PRTG: variants seen among roughly 807,000 people sequenced by gnomAD.
PRTG encodes protogenin.
In PRTG, 67 loss-of-function variants were observed where a neutral mutation model predicts 122.5. That is an observed-to-expected ratio of 0.55 (90% confidence interval 0.45 to 0.67). The LOEUF is 0.67. PRTG is among the 30% of genes least tolerant of loss of function. The probability of loss-of-function intolerance (pLI) is 0.00; values close to 1 mark genes in which losing one functional copy is unlikely to be tolerated. For missense variants in PRTG, 1,435 were observed against 1,415.4 expected (o/e 1.01, Z -0.22); for synonymous variants, 554 against 501.1 (o/e 1.11, Z -1.41).
rs2059487164 is a variant in PRTG, at chr15:55,673,793, C to A, written c.1547-117G>T. On this transcript the variant is annotated intron_variant, in intron 9 of 19. Transcript: ENST00000389286. ...TATAATAAAGAAGAGACACTTTCAG[C>A]CCTAGCAGAGGTTTTCAGTGAAACA... The A allele has an allele frequency of 3.9e-6, 3 of 777,180 alleles. No individual in the cohort carries two copies. The East Asian group carries it at 7.9e-5, about 21-fold the overall frequency. 48.1% of individuals were successfully genotyped at this position (777,180 alleles called of 1,614,324 possible).
rs769653300 is a variant in PRTG, at chr15:55,724,030, C to T, written c.397+16352G>A. The stretch of plus-strand genomic sequence containing the variant: ...CCTCCCAAAGTGCTAGGATTACATA[C>T]GTGAGCCACCATGCCTGGCTGATTT... On this transcript the variant is annotated intron_variant, in intron 2 of 19. Transcript: ENST00000389286. Among the ~76,000 whole-genome samples, 9 of 152,114 alleles carry T rather than the reference C, an allele frequency of 5.9e-5. No homozygotes were observed. The South Asian group carries it at 1.9e-3, about 31-fold the overall frequency.
intron 2 of PRTG, among the ~76,000 whole-genome samples, chr15:55,702,714 T>C (rs2029938412): frequency 6.6e-6 from 1 of 152,158 alleles, no homozygotes; most frequent in South Asian, 2.1e-4. Flanking sequence ...TTCCTATTCT[T>C]CTACCTATGG....
chr15:55,665,461 T>C (rs1273589286), intron 11 of PRTG, among the ~76,000 whole-genome samples: 5 of 151,374 alleles, frequency 3.3e-5, no homozygotes, highest in Non-Finnish European at 5.9e-5. Context: ...TCTAGTAATG[T>C]GGCCTGGTGC....
intron 18 of PRTG, among the ~76,000 whole-genome samples, chr15:55,622,220 T>TTG (rs1170477737): frequency 6.7e-6 from 1 of 148,208 alleles, no homozygotes; most frequent in Non-Finnish European, 1.5e-5. Flanking sequence ...GTACTTGTTT[T>TTG]TTTTTTTTTT....
intron 2 of PRTG, among the ~76,000 whole-genome samples, chr15:55,698,876 T>G (rs1428805007): frequency 2.2e-5 from 3 of 134,326 alleles, no homozygotes; most frequent in African/African-American, 5.7e-5. Flanking sequence ...GGGGAGAGAG[T>G]GCGGGGGTGG....
At chr15:55,735,988 G>A (rs1455556235) in intron 2 of PRTG, among the ~76,000 whole-genome samples, 1 of 152,154 alleles carries the variant, frequency 6.6e-6, no homozygotes, top group Non-Finnish European at 1.5e-5. Flanking sequence ...CCAATTTTAA[G>A]TTAAACATAA....
chr15:55,626,351 G>C (rs957909782), intron 17 of PRTG, among the ~76,000 whole-genome samples: 8 of 151,762 alleles, frequency 5.3e-5, no homozygotes, highest in Non-Finnish European at 1.2e-4. Context: ...GAAGGTTGCA[G>C]TGAGCTGAGA....
intron 16 of PRTG, 119 bp downstream of exon 16, chr15:55,628,703 C>G: frequency 3.9e-6 from 3 of 773,182 alleles, no homozygotes; most frequent in Middle Eastern, 3.6e-4. Context: ...TCATCAGCAA[C>G]AACTTACGGA....
chr15:55,670,903 ACACACACACACAC>A (rs1291451545), intron 11 of PRTG, among the ~76,000 whole-genome samples: 1 of 316 alleles, frequency 3.2e-3, no homozygotes, highest in East Asian at 0.1. Flanking sequence ...TCCGTCACAA[ACACACACACACAC>A]ACACACACAC....
At chr15:55,661,696 C>T (rs2059410630) in intron 11 of PRTG, among the ~76,000 whole-genome samples, 2 of 152,130 alleles carry the variant, frequency 1.3e-5, no homozygotes, top group Non-Finnish European at 2.9e-5. Context: ...AAGAAAACCA[C>T]TAAATATCAA....
chr15:55,615,995 T>A lies in PRTG; in HGVS notation c.*4017A>T, dbSNP rs2059140241. 1 of 152,046 alleles carries A rather than the reference T, an allele frequency of 6.6e-6. No homozygotes were observed. Among genetic ancestry groups the A allele is most frequent in the Non-Finnish European group, 1.5e-5 (1 of 67,968 alleles). 9.4% of individuals were successfully genotyped at this position (152,046 alleles called of 1,614,324 possible). A position where few individuals can be genotyped will look rare whatever the true frequency, so the allele number is the denominator to read the frequency against. On this transcript the variant is annotated 3_prime_UTR_variant, in exon 20 of 20. Coordinates refer to ENST00000389286, the MANE Select transcript of PRTG (RefSeq NM_173814.6). Reference sequence around the variant, plus strand: ...AAGCCAAGACAAACTGATGCAAACCTCTGTCATTGTTCCCAATGTTGGCAT... The same window carrying A: ...AAGCCAAGACAAACTGATGCAAACCACTGTCATTGTTCCCAATGTTGGCAT...
intron 6 of PRTG, chr15:55,679,699 A>G: frequency 2.3e-6 from 1 of 426,376 alleles, no homozygotes; most frequent in Non-Finnish European, 4.2e-6. Context: ...CATCCTTCTT[A>G]ACTAAGAACA....
At chr15:55,698,766 C>T (rs2059645657) in intron 2 of PRTG, among the ~76,000 whole-genome samples, 1 of 151,610 alleles carries the variant, frequency 6.6e-6, no homozygotes, top group Admixed American at 6.6e-5. Context: ...GGTATAGTGT[C>T]AGAATTTGTG....
At chr15:55,710,646 T>C (rs2141853605) in intron 2 of PRTG, among the ~76,000 whole-genome samples, 1 of 152,330 alleles carries the variant, frequency 6.6e-6, no homozygotes, top group East Asian at 1.9e-4. Flanking sequence ...TATACTTTTG[T>C]CTTTAAGTCA....
At chr15:55,620,354 G>C in intron 19 of PRTG, 88 bp from the exon 20 acceptor site, 1 of 1,545,374 alleles carries the variant, frequency 6.5e-7, no homozygotes, top group Admixed American at 2.0e-5. Context: ...AGACAGGTGG[G>C]AGCACATCAG....
intron 11 of PRTG, among the ~76,000 whole-genome samples, chr15:55,641,896 C>T (rs910998291): frequency 3.9e-5 from 6 of 152,158 alleles, no homozygotes; most frequent in East Asian, 1.9e-4. Flanking sequence ...AAAAATAGGC[C>T]GGGCGCGGTG....
chr15:55,701,882 A>C (rs968558504), intron 2 of PRTG, among the ~76,000 whole-genome samples: 1 of 152,218 alleles, frequency 6.6e-6, no homozygotes, highest in Non-Finnish European at 1.5e-5. Context: ...TACTATTTAT[A>C]TGGTATTCCA....
chr15:55,649,321 G>A (rs1321841994), intron 11 of PRTG, among the ~76,000 whole-genome samples: 3 of 152,110 alleles, frequency 2.0e-5, no homozygotes, highest in Non-Finnish European at 4.4e-5. Flanking sequence ...ACTTGGAGAA[G>A]TTATTTTTTC....
At chr15:55,738,002 C>CTCTCTA (rs1248440584) in intron 2 of PRTG, among the ~76,000 whole-genome samples, 113 of 96,644 alleles carry the variant, frequency 1.2e-3, no homozygotes, top group African/African-American at 3.2e-3. Flanking sequence ...CTCTCTCTCT[C>CTCTCTA]TATATATATA....
Sources: allele counts gnomAD v4.1 joint callset (sites outside exome capture counted in the v4.1 genomes callset), GRCh38; gene constraint gnomAD v4.1.1; transcripts MANE v1.5; gene names NCBI Gene and HGNC (gene_info 2026-07-23, HGNC 2026-07-21).